RIMS2: variants seen among roughly 807,000 people sequenced by gnomAD.
The protein encoded by RIMS2 is regulating synaptic membrane exocytosis protein 2.
A neutral mutation model predicts 174.4 loss-of-function variants in RIMS2; 59 were observed. The observed-to-expected ratio is 0.34, with a 90% confidence interval of 0.27 to 0.42. The LOEUF is 0.42. RIMS2 is among the 10% of genes least tolerant of loss of function. RIMS2 has a pLI of 1.00. For synonymous variants in RIMS2, 606 were observed against 572.5 expected (o/e 1.06, Z -0.84); for missense variants, 1,620 against 1,666.3 (o/e 0.97, Z 0.48).
At chr8:104,068,146 CATG>C (rs2097136298) in intron 19 of RIMS2, among the ~76,000 whole-genome samples, 1 of 152,116 alleles carries the variant, frequency 6.6e-6, no homozygotes, top group South Asian at 2.1e-4. Context: ...ATAAATAAAT[CATG>C]ATGAATTAAA....
intron 1 of RIMS2, among the ~76,000 whole-genome samples, chr8:103,643,845 G>C (rs1227237323): frequency 6.6e-6 from 1 of 152,040 alleles, no homozygotes; most frequent in Non-Finnish European, 1.5e-5. Flanking sequence ...GAAGGCTAGA[G>C]AGGACTGGAA....
intron 1 of RIMS2, among the ~76,000 whole-genome samples, chr8:103,544,957 A>T (rs917776010): frequency 2.0e-5 from 3 of 152,226 alleles, no homozygotes; most frequent in African/African-American, 7.2e-5. Flanking sequence ...AAACCAGTGC[A>T]AGAACTCTAG....
At chr8:103,974,584 C>T (rs1241612116) in intron 15 of RIMS2, among the ~76,000 whole-genome samples, 5 of 152,238 alleles carry the variant, frequency 3.3e-5, no homozygotes, top group Non-Finnish European at 7.3e-5. Flanking sequence ...CATCTCTCCA[C>T]ATACCAGTTG....
intron 16 of RIMS2, chr8:103,977,613 G>C (rs567723210): frequency 3.3e-5 from 5 of 152,146 alleles, no homozygotes; most frequent in Non-Finnish European, 7.3e-5. Flanking sequence ...TTCTGACACT[G>C]TAATCTGGAA....
At chr8:103,651,059 T>C (rs1481601872) in intron 1 of RIMS2, among the ~76,000 whole-genome samples, 1 of 152,230 alleles carries the variant, frequency 6.6e-6, no homozygotes. Context: ...AAGCAGCCGC[T>C]CTGCCGAAAC....
At chr8:103,552,617 A>G (rs1848533306) in intron 1 of RIMS2, among the ~76,000 whole-genome samples, 1 of 152,248 alleles carries the variant, frequency 6.6e-6, no homozygotes, top group South Asian at 2.1e-4. Flanking sequence ...ATTAAACTAA[A>G]GAGCTTCTGC....
chr8:103,710,375 A>G (rs1414881484), intron 2 of RIMS2, among the ~76,000 whole-genome samples: 1 of 152,162 alleles, frequency 6.6e-6, no homozygotes, highest in Admixed American at 6.5e-5. Context: ...CATTTAGGAC[A>G]TAGAAAATAA....
At chr8:103,669,770 T>C (rs1459581441) in intron 1 of RIMS2, among the ~76,000 whole-genome samples, 1 of 152,244 alleles carries the variant, frequency 6.6e-6, no homozygotes, top group African/African-American at 2.4e-5. Context: ...TGGACAACTC[T>C]GCCCTGTGGC....
intron 1 of RIMS2, among the ~76,000 whole-genome samples, chr8:103,597,066 T>C (rs1396402028): frequency 6.6e-6 from 1 of 152,156 alleles, no homozygotes; most frequent in Non-Finnish European, 1.5e-5. Context: ...AAATTAAATT[T>C]GATTCTAAAT....
intron 1 of RIMS2, among the ~76,000 whole-genome samples, chr8:103,510,020 A>G (rs1586476228): frequency 6.6e-6 from 1 of 152,188 alleles, no homozygotes; most frequent in African/African-American, 2.4e-5. Context: ...GTTCTGCTAA[A>G]CAGAGGAACT....
At chr8:103,636,920 G>A (rs903174028) in intron 1 of RIMS2, among the ~76,000 whole-genome samples, 4 of 151,782 alleles carry the variant, frequency 2.6e-5, no homozygotes, top group Admixed American at 2.6e-4. Context: ...TCTCACCCAA[G>A]TTCTCAATCA....
At chr8:103,753,845 G>A (rs947569354) in intron 2 of RIMS2, among the ~76,000 whole-genome samples, 2 of 152,018 alleles carry the variant, frequency 1.3e-5, no homozygotes, top group Non-Finnish European at 2.9e-5. Context: ...CTTGCTAGTG[G>A]TCTATCAATT....
chr8:104,023,265 T>G (rs2096155825), intron 19 of RIMS2, among the ~76,000 whole-genome samples: 1 of 151,450 alleles, frequency 6.6e-6, no homozygotes, highest in Non-Finnish European at 1.5e-5. Context: ...TGGGAAAGTT[T>G]GGATTAAAGT....
intron 15 of RIMS2, among the ~76,000 whole-genome samples, chr8:103,971,110 AG>A (rs780155072): frequency 2.0e-5 from 3 of 152,228 alleles, no homozygotes; most frequent in Non-Finnish European, 2.9e-5. Flanking sequence ...TTGAATAAAT[AG>A]ACTATATATA....
At chr8:103,943,652 T>A (rs2154539775) in intron 14 of RIMS2, among the ~76,000 whole-genome samples, 1 of 152,272 alleles carries the variant, frequency 6.6e-6, no homozygotes, top group South Asian at 2.1e-4. Context: ...TCAGAAATAT[T>A]TTCCAGATTG....
intron 1 of RIMS2, among the ~76,000 whole-genome samples, chr8:103,677,289 A>C (rs182792451): frequency 6.0e-4 from 91 of 152,244 alleles, no homozygotes; most frequent in Non-Finnish European, 8.2e-4. Flanking sequence ...GGTACACAAA[A>C]GTCTTTGAGA....
At chr8:103,522,157 T>C (rs1192435097) in intron 1 of RIMS2, among the ~76,000 whole-genome samples, 2 of 152,088 alleles carry the variant, frequency 1.3e-5, no homozygotes, top group African/African-American at 2.4e-5. Context: ...CTATCAATTG[T>C]TGTTCAATTG....
At chr8:103,980,571 T>C (rs1377139749) in intron 16 of RIMS2, among the ~76,000 whole-genome samples, 2 of 152,120 alleles carry the variant, frequency 1.3e-5, no homozygotes, top group African/African-American at 4.8e-5. Context: ...GACTTTGTCT[T>C]GCACCTTAGA....
chr8:103,959,038 C>T (rs186427492), intron 14 of RIMS2, among the ~76,000 whole-genome samples: 15 of 152,318 alleles, frequency 9.8e-5, no homozygotes, highest in Admixed American at 7.2e-4. Context: ...CATCCCCTTG[C>T]ACCCTGATTT....
Sources: gnomAD v4.1 joint callset for allele counts (sites outside exome capture counted in the v4.1 genomes callset) on GRCh38, gnomAD v4.1.1 for gene constraint, MANE v1.5 for transcripts, NCBI Gene and HGNC (gene_info 2026-07-23, HGNC 2026-07-21) for gene names.